The following APC variants were observed in gnomAD, a reference collection of about 807,000 sequenced individuals.
APC encodes the protein adenomatous polyposis coli protein.
A neutral mutation model predicts 247.0 loss-of-function variants in APC; 72 were observed. The ratio of observed to expected loss-of-function variants is 0.29; its 90% CI spans 0.24 to 0.35. The LOEUF is 0.35. Ranked by LOEUF, APC falls within the 10% of genes least tolerant of loss-of-function variation. The pLI is 1.00. For missense variants in APC, 3,400 were observed against 3,360.7 expected (o/e 1.01, Z -0.29); for synonymous variants, 1,254 against 1,162.5 (o/e 1.08, Z -1.60).
At position 112,839,295 on chromosome 5, in the gene APC, G is replaced by C. The variant is rs751533193; in HGVS notation, c.3701G>C (p.Ser1234Thr). ...AAGAGGCAGAATCAGCTCCATCCAA[G>C]TTCTGCACAGAGTAGAAGTGGTCAG... ...NAKRQNQLHP[S>T]SAQSRSGQPQ... The change falls in exon 16 of 16, where the codon AGT becomes ACT. Residue 1234 changes from serine (S) to threonine (T), a missense_variant. By Grantham distance (58) the Ser-to-Thr change is moderately conservative (BLOSUM62 1). Around this residue, in one of 9 missense-constraint regions of APC, gnomAD observed 715 missense variants for 656.6 expected, o/e 1.09. Coordinates refer to ENST00000257430, the MANE Select transcript of APC (RefSeq NM_000038.6). The surrounding 1 kb of genome is among the most constrained non-coding windows in gnomAD (Gnocchi z 5.0). 2 of 1,614,144 alleles carry C rather than the reference G, an allele frequency of 1.2e-6. No individual in the cohort carries two copies. Among genetic ancestry groups the C allele is most frequent in the Non-Finnish European group, 1.7e-6 (2 of 1,180,030 alleles).
rs1222584945 is a variant in APC, at chr5:112,838,280, G to A, written c.2686G>A (p.Ala896Thr). ...QIAKVMEEVS[A>T]IHTSQEDRSS... is the part of the protein sequence containing the mutation. ...TGCCAAAGTCATGGAAGAAGTGTCA[G>A]CCATTCATACCTCTCAGGAAGACAG... The change falls in exon 16 of 16, where the codon GCC (alanine) becomes ACC (threonine). Residue 896 changes from alanine (A) to threonine (T), a missense_variant. By Grantham distance (58) the Ala-to-Thr change is moderately conservative. This residue lies in a region of APC where 715 missense variants were observed against 656.6 expected (regional missense o/e 1.09). Coordinates refer to ENST00000257430, the MANE Select transcript of APC (RefSeq NM_000038.6). 1 of 1,614,206 alleles carries A rather than the reference G, an allele frequency of 6.2e-7. No individual in the cohort carries two copies. The highest frequency in any genetic ancestry group is 8.5e-7 in the Non-Finnish European group (1 of 1,180,040).
intron 2 of APC, among the ~76,000 whole-genome samples, chr5:112,758,168 TAATGAA>T (rs1270760787): frequency 1.3e-5 from 2 of 152,162 alleles, no homozygotes; most frequent in African/African-American, 4.8e-5. Flanking sequence ...AAATTTTTTG[TAATGAA>T]AATAAAATAG....
At chr5:112,779,439 A>G (rs776181944) in intron 5 of APC, among the ~76,000 whole-genome samples, 1 of 152,228 alleles carries the variant, frequency 6.6e-6, no homozygotes, top group East Asian at 1.9e-4. Flanking sequence ...TATTAAGTAG[A>G]TCACATTTAT....
At chr5:112,736,668 T>G (rs1048611295), upstream of APC, among the ~76,000 whole-genome samples, 1 of 152,186 alleles carries the variant, frequency 6.6e-6, no homozygotes, top group African/African-American at 2.4e-5. Flanking sequence ...GTAATCCCAG[T>G]ACTTGGAGGG....
At chr5:112,765,971 AAC>A (rs1561461502) in intron 2 of APC, among the ~76,000 whole-genome samples, 1 of 152,156 alleles carries the variant, frequency 6.6e-6, no homozygotes, top group Admixed American at 6.5e-5. Flanking sequence ...ATGGATTCTA[AAC>A]ACATAAGTAG....
At chr5:112,717,754 A>G (rs1044758029) in intron 1 of APC, among the ~76,000 whole-genome samples, 1 of 151,742 alleles carries the variant, frequency 6.6e-6, no homozygotes, top group Non-Finnish European at 1.5e-5. Flanking sequence ...GAATATATGG[A>G]TTGGTGTCTT....
At chr5:112,775,928 T>C (rs565250666) in intron 5 of APC, among the ~76,000 whole-genome samples, 191 bp downstream of exon 5, 2 of 152,334 alleles carry the variant, frequency 1.3e-5, no homozygotes, top group East Asian at 3.9e-4. Flanking sequence ...TAAAACTTTA[T>C]TGTGCTCAAA....
At chr5:112,785,553 A>G (rs1212938149) in intron 6 of APC, among the ~76,000 whole-genome samples, 1 of 152,222 alleles carries the variant, frequency 6.6e-6, no homozygotes, top group Admixed American at 6.5e-5. Context: ...CATTTATGAA[A>G]GAACGCATAA....
intron 1 of APC, among the ~76,000 whole-genome samples, chr5:112,712,211 C>G (rs778356810): frequency 2.6e-5 from 4 of 151,862 alleles, no homozygotes; most frequent in Non-Finnish European, 5.9e-5. Context: ...TGATCATATC[C>G]TTTATGATAT....
rs398123117 is a variant in APC, at chr5:112,837,959, C to G, written c.2365C>G (p.Gln789Glu). The part of the protein sequence containing the change: ...LSPKASHRSK[Q>E]RHKQSLYGDY... Reference sequence around the variant, plus strand: ...TCCCAAGGCATCTCATCGTAGTAAGCAGAGACACAAGCAAAGTCTCTATGG... The same window carrying G: ...TCCCAAGGCATCTCATCGTAGTAAGGAGAGACACAAGCAAAGTCTCTATGG... The change falls in exon 16 of 16, where the codon CAG becomes GAG. Residue 789 changes from glutamine (Q) to glutamate (E), a missense_variant. This residue lies in a region of APC where 91 missense variants were observed against 103.3 expected (regional missense o/e 0.88). Transcript: ENST00000257430. 6.2e-7 allele frequency: 1 copy of G among 1,614,102 alleles called. No homozygotes were observed. Among genetic ancestry groups the G allele is most frequent in the Non-Finnish European group, 8.5e-7 (1 of 1,180,014 alleles).
chr5:112,845,409 C>G lies in APC; in HGVS notation c.*1283C>G, dbSNP rs576807749. On this transcript the variant is annotated 3_prime_UTR_variant, in exon 16 of 16. Coordinates refer to ENST00000257430, the MANE Select transcript of APC (RefSeq NM_000038.6). ...TGATTCTTAGACATTGCAGTCTCTTCGAGGCTTTACAGTGTAAACTGTCTT... is the reference window on the plus strand; with the variant it reads ...TGATTCTTAGACATTGCAGTCTCTTGGAGGCTTTACAGTGTAAACTGTCTT... 1 of 232,894 alleles carries G rather than the reference C, an allele frequency of 4.3e-6. No individual in the cohort carries two copies. The highest frequency in any genetic ancestry group is 2.2e-5 in the African/African-American group (1 of 45,270). The allele number at this position is 232,894 out of a possible 1,614,324, so 14.4% of individuals were successfully genotyped here. A position where few individuals can be genotyped will look rare whatever the true frequency, so the allele number is the denominator to read the frequency against.
intron 1 of APC, among the ~76,000 whole-genome samples, chr5:112,741,787 C>G (rs1019712536): frequency 6.6e-6 from 1 of 151,960 alleles, no homozygotes; most frequent in Non-Finnish European, 1.5e-5. Flanking sequence ...ATTTTCCCCT[C>G]CCCCCAACCC....
At chr5:112,781,731 T>A (rs1204966931) in intron 6 of APC, among the ~76,000 whole-genome samples, 1 of 152,156 alleles carries the variant, frequency 6.6e-6, no homozygotes, top group African/African-American at 2.4e-5. Context: ...GTATAGTCTT[T>A]ATTTTTTTTG....
intron 8 of APC, among the ~76,000 whole-genome samples, chr5:112,806,206 G>C (rs191520523): frequency 6.6e-6 from 1 of 152,184 alleles, no homozygotes; most frequent in Non-Finnish European, 1.5e-5. Flanking sequence ...GGCTGTCACA[G>C]CATGTTCCTC....
intron 6 of APC, among the ~76,000 whole-genome samples, chr5:112,784,885 T>C (rs1580395502): frequency 6.6e-6 from 1 of 152,112 alleles, no homozygotes; most frequent in African/African-American, 2.4e-5. Context: ...CCCAGCACTT[T>C]GGGAGGCTGA....
chr5:112,713,259 G>C lies in APC; in HGVS notation c.165+5377G>C, dbSNP rs545470420. Among the ~76,000 whole-genome samples the C allele has an allele frequency of 3.3e-5, 5 of 151,896 alleles. No homozygotes were observed. In the South Asian group the frequency reaches 1.0e-3, roughly 32 times the overall value. ...TTTAGCTGTGCTATGATTTCATCAA[G>C]GATTCAGGTGCTTTCCATCTTTATG... On this transcript the variant is annotated intron_variant, in intron 1 of 13. Transcript: ENST00000507379.
At chr5:112,733,012 A>G (rs1286466125), upstream of APC, among the ~76,000 whole-genome samples, 1 of 152,238 alleles carries the variant, frequency 6.6e-6, no homozygotes, top group East Asian at 1.9e-4. Context: ...TAGAAAAGTT[A>G]AATGACTTTT....
chr5:112,710,860 T>A (rs1002806988), intron 1 of APC, among the ~76,000 whole-genome samples: 4 of 152,230 alleles, frequency 2.6e-5, no homozygotes, highest in African/African-American at 9.6e-5. Context: ...AGGGTGGTGG[T>A]TAAAGAAATT....
rs1554088190 is a variant in APC at position 112,842,851 on chromosome 5, G to A, written c.7257G>A (p.Met2419Ile). 6.2e-7 allele frequency: 1 copy of A among 1,613,908 alleles called. No homozygotes were observed. Among genetic ancestry groups the A allele is most frequent in the Non-Finnish European group, 8.5e-7 (1 of 1,179,896 alleles). ...ATAAAAAGGTAGAACTTTCTAGAAT[G>A]TCTTCAACTAAATCAAGTGGAAGTG... ...GANKKVELSR[M>I]SSTKSSGSES... is the part of the protein sequence containing the mutation. Residue 2419 changes from methionine to isoleucine, a missense_variant, in exon 16 of 16, where the codon ATG (methionine) becomes ATA (isoleucine). Met to Ile is a conservative substitution (Grantham distance 10). This residue lies in a region of APC where 1,788 missense variants were observed against 1,649.5 expected (regional missense o/e 1.08). Transcript: ENST00000257430.
Sources: allele counts gnomAD v4.1 joint callset (sites outside exome capture counted in the v4.1 genomes callset), GRCh38; gene constraint gnomAD v4.1.1; regional missense constraint gnomAD v4.1.1; non-coding constraint Gnocchi (gnomAD v3.1); transcripts MANE v1.5; gene names NCBI Gene and HGNC (gene_info 2026-07-23, HGNC 2026-07-21).